The following LHFPL2 variants were observed in gnomAD, a reference collection of about 807,000 sequenced individuals.
LHFPL2 encodes the protein LHFPL tetraspan subfamily member 2.
In LHFPL2, 7 loss-of-function variants were observed where a neutral mutation model predicts 17.5. That is an observed-to-expected ratio of 0.40 (90% CI 0.23 to 0.75). The LOEUF (loss-of-function observed/expected upper bound fraction) is 0.75. LHFPL2 is among the 30% of genes least tolerant of loss of function. LHFPL2 has a pLI of 0.37. For missense variants in LHFPL2, 241 were observed against 294.8 expected, an observed-to-expected ratio of 0.82 and a Z score of 1.34; for synonymous variants, 134 against 116.2, an observed-to-expected ratio of 1.15 and a Z score of -0.99.
intron 3 of LHFPL2, among the ~76,000 whole-genome samples, chr5:78,537,722 G>A (rs775677338): frequency 6.6e-6 from 1 of 152,200 alleles, no homozygotes; most frequent in Non-Finnish European, 1.5e-5. Context: ...CGGAAAGAAG[G>A]GAGAGCTAAT....
intron 3 of LHFPL2, among the ~76,000 whole-genome samples, chr5:78,523,750 C>G (rs192699609): frequency 6.6e-6 from 1 of 152,208 alleles, no homozygotes; most frequent in Non-Finnish European, 1.5e-5. Context: ...GCCCGAGATA[C>G]ACTTCAAAAT....
chr5:78,512,493 C>G (rs947983570), intron 3 of LHFPL2, among the ~76,000 whole-genome samples: 20 of 151,496 alleles, frequency 1.3e-4, no homozygotes, highest in Non-Finnish European at 2.9e-4. Context: ...AACAGAAAGC[C>G]TTTTGAGAAA....
At chr5:78,592,648 T>C (rs1242012045) in intron 2 of LHFPL2, among the ~76,000 whole-genome samples, 1 of 70,460 alleles carries the variant, frequency 1.4e-5, no homozygotes, top group Non-Finnish European at 3.8e-5. Context: ...ACATTACTCT[T>C]CAACTTAGTG....
chr5:78,577,324 C>T (rs1279307678), intron 2 of LHFPL2, among the ~76,000 whole-genome samples: 1 of 152,206 alleles, frequency 6.6e-6, no homozygotes, highest in African/African-American at 2.4e-5. Flanking sequence ...TCCAAGCAGA[C>T]TTACTTAAGT....
At chr5:78,550,856 T>A (rs1027150010) in intron 3 of LHFPL2, among the ~76,000 whole-genome samples, 1 of 152,176 alleles carries the variant, frequency 6.6e-6, no homozygotes, top group African/African-American at 2.4e-5. Flanking sequence ...CAGGCGTCAG[T>A]CACCGTGCCC....
Position 78,524,854 on chromosome 5 carries a change from A to G in LHFPL2, c.-185-14456T>C, listed in dbSNP as rs73142199. The stretch of plus-strand genomic sequence containing the variant: ...TTACATATTTTTCTCCCTGTTGAGT[A>G]TTTTTTAAATGTTTGAAACTATGCA... On this transcript the variant is annotated intron_variant, in intron 3 of 4. Transcript: ENST00000380345. Among the ~76,000 whole-genome samples the G allele has an allele frequency of 3.8e-3, 574 of 152,162 alleles. 6 individuals carry two copies. The highest frequency in any genetic ancestry group is 0.013 in the African/African-American group (552 of 41,530).
At chr5:78,572,173 GC>G (rs1757015217) in intron 2 of LHFPL2, among the ~76,000 whole-genome samples, 1 of 152,132 alleles carries the variant, frequency 6.6e-6, no homozygotes, top group Non-Finnish European at 1.5e-5. Flanking sequence ...TTGGAAAACT[GC>G]AAACATATAG....
At chr5:78,565,605 T>A (rs142119167) in intron 2 of LHFPL2, among the ~76,000 whole-genome samples, 26 of 152,330 alleles carry the variant, frequency 1.7e-4, no homozygotes, top group African/African-American at 6.3e-4. Flanking sequence ...ACATAAAATG[T>A]CACAATTACC....
At chr5:78,620,892 T>C (rs1290917752) in intron 2 of LHFPL2, among the ~76,000 whole-genome samples, 1 of 152,162 alleles carries the variant, frequency 6.6e-6, no homozygotes, top group Non-Finnish European at 1.5e-5. Flanking sequence ...TAAATGCACA[T>C]ATGCCGTGGC....
chr5:78,612,775 G>A (rs566024148), intron 2 of LHFPL2, among the ~76,000 whole-genome samples: 59 of 152,340 alleles, frequency 3.9e-4, no homozygotes, highest in Middle Eastern at 6.8e-3. Flanking sequence ...CAAAGAGCTG[G>A]ACTCCCTTTT....
chr5:78,552,025 G>T (rs1262502200), intron 3 of LHFPL2, among the ~76,000 whole-genome samples: 1 of 152,106 alleles, frequency 6.6e-6, no homozygotes, highest in Non-Finnish European at 1.5e-5. Flanking sequence ...CACAAAAATG[G>T]GCAATTTCCC....
intron 2 of LHFPL2, among the ~76,000 whole-genome samples, chr5:78,588,167 T>C (rs1000493552): frequency 6.6e-6 from 1 of 152,226 alleles, no homozygotes; most frequent in Non-Finnish European, 1.5e-5. Context: ...GTCTGTTCCA[T>C]ATTGTTTTTT....
At chr5:78,609,957 G>A (rs1055731194) in intron 2 of LHFPL2, among the ~76,000 whole-genome samples, 1 of 152,118 alleles carries the variant, frequency 6.6e-6, no homozygotes, top group African/African-American at 2.4e-5. Flanking sequence ...CTGACCTTCA[G>A]GCTGCTGAAA....
At chr5:78,526,337 T>G (rs1174048795) in intron 3 of LHFPL2, among the ~76,000 whole-genome samples, 46 of 152,136 alleles carry the variant, frequency 3.0e-4, no homozygotes, top group Admixed American at 3.0e-3. Context: ...AATAAGCTGT[T>G]AAAAACAATC....
chr5:78,498,259 T>G (rs1754668677), intron 4 of LHFPL2, among the ~76,000 whole-genome samples: 1 of 152,162 alleles, frequency 6.6e-6, no homozygotes, highest in African/African-American at 2.4e-5. Flanking sequence ...CAGATCAACC[T>G]CTCAGGGTGG....
At chr5:78,638,790 T>A (rs1745558527) in intron 1 of LHFPL2, among the ~76,000 whole-genome samples, 1 of 152,064 alleles carries the variant, frequency 6.6e-6, no homozygotes, top group African/African-American at 2.4e-5. Flanking sequence ...GAGGGAAGGC[T>A]GACAAGACAG....
chr5:78,609,996 T>C (rs1276147374), intron 2 of LHFPL2, among the ~76,000 whole-genome samples: 1 of 152,140 alleles, frequency 6.6e-6, no homozygotes, highest in African/African-American at 2.4e-5. Flanking sequence ...GCTCCCAGCA[T>C]TAATGGGAAT....
Position 78,591,524 on chromosome 5 carries a change from G to A in LHFPL2, c.-244-26653C>T, listed in dbSNP as rs1350475998. Among the ~76,000 whole-genome samples, 4 of 152,202 alleles carry A rather than the reference G, an allele frequency of 2.6e-5. No individual in the cohort carries two copies. In the East Asian group the frequency reaches 7.7e-4, roughly 29 times the overall value. On this transcript the variant is annotated intron_variant, in intron 2 of 4. Transcript: ENST00000380345. ...GAAATCATCTGGGAAAAGCAAGGCA[G>A]AAAGTGGGGGTAGGAAGAGAGGATG...
At chr5:78,512,411 A>C (rs1205683410) in intron 3 of LHFPL2, among the ~76,000 whole-genome samples, 1 of 150,194 alleles carries the variant, frequency 6.7e-6, no homozygotes, top group East Asian at 2.0e-4. Context: ...GTGGAGATAA[A>C]TTAGCATTCA....
Sources: gnomAD v4.1 joint callset for allele counts (sites outside exome capture counted in the v4.1 genomes callset) on GRCh38, gnomAD v4.1.1 for gene constraint, MANE v1.5 for transcripts, NCBI Gene and HGNC (gene_info 2026-07-23, HGNC 2026-07-21) for gene names.